The following VANGL1 variants were observed in gnomAD, a reference collection of about 807,000 sequenced individuals.
The protein encoded by VANGL1 is VANGL planar cell polarity protein 1.
In VANGL1, 18 loss-of-function variants were observed where a neutral mutation model predicts 48.4. The observed-to-expected ratio is 0.37, with a 90% CI of 0.26 to 0.55. The LOEUF (loss-of-function observed/expected upper bound fraction) is 0.55. Among genes scored for constraint, VANGL1 ranks in the 20% least tolerant of loss-of-function variants. The pLI, the probability that VANGL1 is intolerant of heterozygous loss-of-function variation, is 0.81. For synonymous variants in VANGL1, 257 were observed against 261.8 expected (o/e 0.98, Z 0.18); for missense variants, 667 against 675.8 (o/e 0.99, Z 0.14).
chr1:115,654,330 T>C (rs1174635644), intron 2 of VANGL1, among the ~76,000 whole-genome samples: 2 of 151,460 alleles, frequency 1.3e-5, no homozygotes, highest in Non-Finnish European at 2.9e-5. Context: ...CAAGTGACTG[T>C]TTTCTAACAA....
chr1:115,685,110 G>T (rs1653547224), intron 6 of VANGL1, among the ~76,000 whole-genome samples, 183 bp from the exon 7 acceptor site: 1 of 152,102 alleles, frequency 6.6e-6, no homozygotes, highest in African/African-American at 2.4e-5. Context: ...TATTTTTGCT[G>T]TTGCCTTTCT....
chr1:115,645,057 CA>C (rs1419238860), intron 1 of VANGL1, among the ~76,000 whole-genome samples: 1 of 152,148 alleles, frequency 6.6e-6, no homozygotes, highest in Non-Finnish European at 1.5e-5. Flanking sequence ...GCCACAAGTT[CA>C]AAATGTTTTA....
rs1474869766 is a variant in VANGL1, at chr1:115,646,529, G to A, written c.-138+4443G>A. On this transcript the variant is annotated intron_variant, in intron 1 of 7. Transcript: ENST00000355485. ...TTTTTTTTGATAGTTCTGGTATCACGCCTCTATCTAATATCTGCATCTTTT... is the reference window on the plus strand; with the variant it reads ...TTTTTTTTGATAGTTCTGGTATCACACCTCTATCTAATATCTGCATCTTTT... 1.3e-4 allele frequency among the ~76,000 whole-genome samples: 17 copies of A among 131,700 alleles called. No individual in the cohort carries two copies. In the East Asian group the frequency reaches 3.4e-3, roughly 26 times the overall value. 86.4% of individuals were successfully genotyped at this position (131,700 alleles called of 152,430 possible).
chr1:115,655,335 G>A (rs542739995), intron 2 of VANGL1, among the ~76,000 whole-genome samples: 24 of 152,286 alleles, frequency 1.6e-4, no homozygotes, highest in Non-Finnish European at 2.8e-4. Flanking sequence ...AGAATTACAG[G>A]GGTTCTAGCT....
At chr1:115,650,004 C>T (rs1362843664) in intron 1 of VANGL1, among the ~76,000 whole-genome samples, 1 of 152,026 alleles carries the variant, frequency 6.6e-6, no homozygotes, top group African/African-American at 2.4e-5. Flanking sequence ...GGGTGGCAGA[C>T]CTTGGAAGTG....
At chr1:115,682,927 G>A (rs1458769985) in intron 5 of VANGL1, among the ~76,000 whole-genome samples, 1 of 152,206 alleles carries the variant, frequency 6.6e-6, no homozygotes, top group Admixed American at 6.5e-5. Context: ...AGGAGCCGGA[G>A]TTGAGTGGGT....
At chr1:115,682,579 G>A (rs1045937810) in intron 5 of VANGL1, 82 bp downstream of exon 5, 30 of 1,603,842 alleles carry the variant, frequency 1.9e-5, no homozygotes, top group East Asian at 2.2e-5. Context: ...CGTTTGGTTC[G>A]ACTTCTTCTC....
Position 115,659,765 on chromosome 1 carries a change from G to A in VANGL1, c.196G>A (p.Glu66Lys). The A allele has an allele frequency of 6.2e-7, 1 of 1,614,158 alleles. No individual in the cohort carries two copies. The highest frequency in any genetic ancestry group is 1.7e-5 in the Admixed American group (1 of 60,022). The change falls in exon 3 of 8, where the codon GAA (glutamate) becomes AAA (lysine). Residue 66 changes from glutamate (E) to lysine (K), a missense_variant. By Grantham distance (56) the Glu-to-Lys change is moderately conservative. Transcript: ENST00000355485. ...LLGNDSTRTE[E>K]VQDDNWGETT... The stretch of plus-strand genomic sequence containing the variant: ...GGGAAATGATTCTACTCGGACAGAG[G>A]AAGTTCAGGTAAGGATCAAAGGTGG...
At chr1:115,685,760 A>T (rs1653584272) in intron 7 of VANGL1, among the ~76,000 whole-genome samples, 1 of 152,082 alleles carries the variant, frequency 6.6e-6, no homozygotes, top group African/African-American at 2.4e-5. Context: ...CGCTTGGAGG[A>T]CAGTATGGAA....
At chr1:115,686,537 A>G (rs1246660567) in intron 7 of VANGL1, among the ~76,000 whole-genome samples, 1 of 152,182 alleles carries the variant, frequency 6.6e-6, no homozygotes, top group African/African-American at 2.4e-5. Context: ...TAGAGTAAAG[A>G]TACAGCAAAT....
rs368383358 is a variant in VANGL1, at chr1:115,663,966, T to C, written c.510T>C (p.Leu170=). The C allele has an allele frequency of 2.5e-6, 4 of 1,614,190 alleles. No individual in the cohort carries two copies. Among genetic ancestry groups the C allele is most frequent in the Non-Finnish European group, 3.4e-6 (4 of 1,180,036 alleles). Residue 170 remains leucine (L), a synonymous_variant, in exon 4 of 8, where the codon CTT becomes CTC. Transcript: ENST00000355485. ...LLILLIGTWA[L]FFRKRRADMP... is the part of the protein sequence containing the mutation. ...TTCTGCTCATAGGGACCTGGGCACT[T>C]TTTTTCCGCAAGCGGAGAGCTGACA...
rs375992648 is a variant in VANGL1, at chr1:115,659,796, A to G, written c.204+23A>G. 6 of 1,613,966 alleles carry G rather than the reference A, an allele frequency of 3.7e-6. No homozygotes were observed. In the African/African-American group the frequency reaches 8.0e-5, roughly 22 times the overall value. ...CAGGTAAGGATCAAAGGTGGTCTGT[A>G]AGCACACTGCCACTTGGCCAAGACT... On this transcript the variant is annotated intron_variant, in intron 3 of 7. Transcript: ENST00000355485.
chr1:115,670,042 A>C (rs1652922383), intron 4 of VANGL1, among the ~76,000 whole-genome samples: 1 of 152,182 alleles, frequency 6.6e-6, no homozygotes, highest in Non-Finnish European at 1.5e-5. Flanking sequence ...ATGTAGTCAT[A>C]GTGTGGGGCC....
At chr1:115,643,407 A>G in intron 1 of VANGL1, among the ~76,000 whole-genome samples, 1 of 152,302 alleles carries the variant, frequency 6.6e-6, no homozygotes, top group East Asian at 1.9e-4. Context: ...ACCACTAATT[A>G]TAGAGTTTTT....
chr1:115,672,272 A>G (rs1199722037), intron 4 of VANGL1, among the ~76,000 whole-genome samples: 1 of 152,144 alleles, frequency 6.6e-6, no homozygotes, highest in Non-Finnish European at 1.5e-5. Flanking sequence ...CTGCATGTTC[A>G]TCTTTCAGTG....
At chr1:115,650,904 T>C (rs2101303469) in intron 1 of VANGL1, among the ~76,000 whole-genome samples, 1 of 150,630 alleles carries the variant, frequency 6.6e-6, no homozygotes, top group South Asian at 2.1e-4. Flanking sequence ...CTTCGCTGGG[T>C]ATTGTTTTTT....
At chr1:115,652,282 T>A (rs1348929454) in intron 2 of VANGL1, among the ~76,000 whole-genome samples, 1 of 152,206 alleles carries the variant, frequency 6.6e-6, no homozygotes, top group African/African-American at 2.4e-5. Flanking sequence ...AATTAGCAGG[T>A]GTGCACTGGT....
At chr1:115,661,823 G>C (rs779344251) in intron 3 of VANGL1, among the ~76,000 whole-genome samples, 7 of 152,056 alleles carry the variant, frequency 4.6e-5, no homozygotes, top group Non-Finnish European at 4.4e-5. Flanking sequence ...TCACCATGTT[G>C]GCCAGGCTGG....
At position 115,687,742 on chromosome 1, in the gene VANGL1, TGTGTG is replaced by T. The variant is rs1434158984; in HGVS notation, c.1314+2216_1314+2220del. 1.5e-5 allele frequency among the ~76,000 whole-genome samples: 2 copies of T among 129,292 alleles called. 1 individual carries two copies. Among genetic ancestry groups the T allele is most frequent in the East Asian group, 4.2e-4 (2 of 4,762 alleles). The allele number at this position is 129,292 out of a possible 152,430, so 84.8% of individuals were successfully genotyped here. On this transcript the variant is annotated intron_variant, in intron 7 of 7. Coordinates refer to ENST00000355485, the MANE Select transcript of VANGL1 (RefSeq NM_138959.3). ...GTGTGTGTGTGTGTGTGTGTGTGTGTGTGTGTGTAAACCACAGGCACACGCCACCA... is the reference window on the plus strand; with the variant it reads ...GTGTGTGTGTGTGTGTGTGTGTGTGTTGTAAACCACAGGCACACGCCACCA...
Sources: gnomAD v4.1 joint callset for allele counts (sites outside exome capture counted in the v4.1 genomes callset) on GRCh38, gnomAD v4.1.1 for gene constraint, MANE v1.5 for transcripts, NCBI Gene and HGNC (gene_info 2026-07-23, HGNC 2026-07-21) for gene names.